NEBL: variants seen among roughly 807,000 people sequenced by gnomAD.
NEBL encodes the protein nebulette.
In NEBL, 122 loss-of-function variants were observed where a neutral mutation model predicts 140.2. The observed-to-expected ratio is 0.87, with a 90% CI of 0.75 to 1.01. The LOEUF is 1.01. NEBL is among the 50% of genes least tolerant of loss of function. The pLI is 0.00. For missense variants in NEBL, 1,365 were observed against 1,231.3 expected (o/e 1.11, Z -1.62); for synonymous variants, 436 against 398.9 (o/e 1.09, Z -1.11).
chr10:21,053,635 T>TA (rs1834876577), intron 2 of NEBL, among the ~76,000 whole-genome samples: 1 of 152,190 alleles, frequency 6.6e-6, no homozygotes, highest in Non-Finnish European at 1.5e-5. Flanking sequence ...CCCAAGAAGT[T>TA]ATGAAAATCA....
chr10:20,800,052 CATGCTATATGTTACATCTCTAG>C (rs1283817016), intron 26 of NEBL, among the ~76,000 whole-genome samples: 1 of 152,082 alleles, frequency 6.6e-6, no homozygotes, highest in African/African-American at 2.4e-5. Context: ...CTACAGTCCA[CATGCTATATGTTACATCTCTAG>C]ATGTGTTTAT....
At chr10:21,237,341 A>G (rs139656409) in intron 3 of NEBL, among the ~76,000 whole-genome samples, 1 of 151,830 alleles carries the variant, frequency 6.6e-6, no homozygotes, top group African/African-American at 2.4e-5. Context: ...AGTAGCTAAG[A>G]TTACAGGCGC....
rs774493223 is a variant in NEBL at position 20,845,351 on chromosome 10, A to G, written c.1134T>C (p.Asp378=). The stretch of plus-strand genomic sequence containing the variant: ...ACCTTCCTTTAATCTCCTTCTCAAA[A>G]TCCTCTTTGTAAACTTTCTGTTAAA... ...KMQSEKVYKE[D]FEKEIKGRSS... Residue 378 remains aspartate, a synonymous_variant, in exon 12 of 28, where the codon GAT becomes GAC. Transcript: ENST00000377122. The G allele has an allele frequency of 6.3e-7, 1 of 1,594,570 alleles. No homozygotes were observed.
intron 7 of NEBL, among the ~76,000 whole-genome samples, chr10:20,861,278 C>T (rs1363269254): frequency 6.6e-6 from 1 of 152,050 alleles, no homozygotes; most frequent in African/African-American, 2.4e-5. Context: ...CCCAGGTTCA[C>T]GCCATTCTCC....
At chr10:20,964,771 T>C (rs1298384874) in intron 3 of NEBL, among the ~76,000 whole-genome samples, 3 of 152,096 alleles carry the variant, frequency 2.0e-5, no homozygotes, top group Non-Finnish European at 2.9e-5. Context: ...TGTCCAATAA[T>C]GAAGTCAACA....
At chr10:21,018,241 T>C (rs1838638766) in intron 3 of NEBL, among the ~76,000 whole-genome samples, 1 of 152,242 alleles carries the variant, frequency 6.6e-6, no homozygotes, top group South Asian at 2.1e-4. Flanking sequence ...TAATTTTAAA[T>C]GATTTTGCAC....
At chr10:20,991,963 C>CTGTGTACCATTCCACGGTGTA (rs1490933153) in intron 3 of NEBL, among the ~76,000 whole-genome samples, 3 of 151,722 alleles carry the variant, frequency 2.0e-5, no homozygotes, top group African/African-American at 7.3e-5. Context: ...TTTTTTATGG[C>CTGTGTACCATTCCACGGTGTA]TGTGTACCAT....
intron 2 of NEBL, among the ~76,000 whole-genome samples, chr10:21,168,879 T>C (rs1840919103): frequency 6.7e-6 from 1 of 150,014 alleles, no homozygotes; most frequent in Non-Finnish European, 1.5e-5. Context: ...AAACCCTATC[T>C]CTACTAAAAA....
At chr10:21,236,971 C>G (rs1842361702) in intron 3 of NEBL, among the ~76,000 whole-genome samples, 1 of 152,164 alleles carries the variant, frequency 6.6e-6, no homozygotes, top group Admixed American at 6.5e-5. Flanking sequence ...GTAACTGACC[C>G]AAAGTCACAG....
chr10:21,104,545 A>G (rs527599406), intron 2 of NEBL, among the ~76,000 whole-genome samples: 50 of 152,004 alleles, frequency 3.3e-4, no homozygotes, highest in Non-Finnish European at 6.8e-4. Flanking sequence ...TTGCCAGTAC[A>G]TAGAAATGCA....
At chr10:20,882,650 C>T (rs1299978415) in intron 4 of NEBL, among the ~76,000 whole-genome samples, 1 of 151,990 alleles carries the variant, frequency 6.6e-6, no homozygotes, top group Non-Finnish European at 1.5e-5. Context: ...CAGTATTAAC[C>T]ACCCATTCCA....
rs185601775 is a variant in NEBL, at chr10:21,233,486, T to C, written n.348+14435A>G. Among the ~76,000 whole-genome samples the C allele has an allele frequency of 2.2e-4, 34 of 151,674 alleles. 1 individual carries two copies. The highest frequency in any genetic ancestry group is 6.3e-4 in the African/African-American group (26 of 41,398). On this transcript the variant is annotated intron_variant and non_coding_transcript_variant, in intron 3 of 8. Coordinates refer to the NEBL transcript ENST00000675702. ...AACACACATCCAGCAGAGATATAGA[T>C]AAATGTATGCATACATAACTATATC...
chr10:20,813,326 G>A (rs545302596), intron 23 of NEBL, among the ~76,000 whole-genome samples: 284 of 151,770 alleles, frequency 1.9e-3, no homozygotes, highest in African/African-American at 6.6e-3. Context: ...TCTATTTCCA[G>A]GCAATCATTC....
rs770234424 is a variant in NEBL at position 20,812,770 on chromosome 10, A to C, written c.2517T>G (p.Val839=). 1 of 1,613,864 alleles carries C rather than the reference A, an allele frequency of 6.2e-7. No homozygotes were observed. Among genetic ancestry groups the C allele is most frequent in the East Asian group, 2.2e-5 (1 of 44,828 alleles). ...GGCCGACAAACGCCGTCAGCTTACC[A>C]ACAATGATTCCAGGTCTCCTGTCCA... The part of the protein sequence containing the change: ...VEMDRRPGII[V]DLKVWRTDPG... The change falls in exon 24 of 28, where the codon GTT becomes GTG. Residue 839 remains valine (V), a splice_region_variant and synonymous_variant. Coordinates refer to ENST00000377122, the MANE Select transcript of NEBL (RefSeq NM_006393.3).
At position 20,823,266 on chromosome 10, in the gene NEBL, G is replaced by T; in HGVS notation, c.1904C>A (p.Ala635Asp). The T allele has an allele frequency of 6.2e-7, 1 of 1,609,092 alleles. No homozygotes were observed. Among genetic ancestry groups the T allele is most frequent in the Non-Finnish European group, 8.5e-7 (1 of 1,177,854 alleles). Residue 635 changes from alanine (A) to aspartate (D), a missense_variant, in exon 19 of 28, where the codon GCC (alanine) becomes GAC (aspartate). Ala to Asp is a moderately radical substitution (Grantham distance 126). Transcript: ENST00000377122. ...CTTTAGTTCTGGAGGATCAGAAATG[G>T]CTGTTGCATGTTTAATCTCTTCTTT... ...KYKEEIKHAT[A>D]ISDPPELKRV...
At chr10:21,076,444 CAAAAAAAAAAAAAAAAAA>C (rs56013237) in intron 2 of NEBL, among the ~76,000 whole-genome samples, 2 of 50,048 alleles carry the variant, frequency 4.0e-5, no homozygotes, top group African/African-American at 6.2e-5. Flanking sequence ...GACTCAGTTT[CAAAAAAAAAAAAAAAAAA>C]AAAAAAAAAA....
chr10:21,117,751 G>A (rs774881611), intron 2 of NEBL, among the ~76,000 whole-genome samples: 6 of 151,826 alleles, frequency 4.0e-5, no homozygotes, highest in Non-Finnish European at 5.9e-5. Flanking sequence ...CATCTTTTTC[G>A]GCTGTTCTCT....
At chr10:21,054,927 A>G (rs1208009344) in intron 2 of NEBL, among the ~76,000 whole-genome samples, 1 of 152,224 alleles carries the variant, frequency 6.6e-6, no homozygotes, top group African/African-American at 2.4e-5. Context: ...ACAGATTTCA[A>G]TGCTTTAGTA....
At chr10:20,981,306 GAA>G (rs555810368) in intron 3 of NEBL, among the ~76,000 whole-genome samples, 2 of 130,498 alleles carry the variant, frequency 1.5e-5, no homozygotes, top group Non-Finnish European at 3.4e-5. Context: ...GGCCAGAAAA[GAA>G]AAAAAAAAAA....
Sources: gnomAD v4.1 joint callset for allele counts (sites outside exome capture counted in the v4.1 genomes callset) on GRCh38, gnomAD v4.1.1 for gene constraint, MANE v1.5 for transcripts, NCBI Gene and HGNC (gene_info 2026-07-23, HGNC 2026-07-21) for gene names.